The following CSMD2 variants were observed in gnomAD, a reference collection of about 807,000 sequenced individuals.
The protein encoded by CSMD2 is CUB and sushi domain-containing protein 2.
Under a neutral mutation model 398.5 loss-of-function variants are expected in CSMD2, and 130 were observed. That is an observed-to-expected ratio of 0.33 (90% CI 0.28 to 0.38). The LOEUF (loss-of-function observed/expected upper bound fraction) is 0.38, where lower values mean the gene tolerates loss of function less well. Ranked by LOEUF, CSMD2 falls within the 10% of genes least tolerant of loss-of-function variation. CSMD2 has a pLI of 1.00. For missense variants in CSMD2, 3,829 were observed against 4,764.9 expected, an observed-to-expected ratio of 0.80 and a Z score of 5.78; for synonymous variants, 1,828 against 1,908.5, an observed-to-expected ratio of 0.96 and a Z score of 1.10.
chr1:33,788,552 T>C (rs781584205), intron 12 of CSMD2, 48 bp downstream of exon 12: 8 of 1,001,224 alleles, frequency 8.0e-6, no homozygotes, highest in Non-Finnish European at 1.3e-5. Flanking sequence ...CCAGACCCCG[T>C]CTCTGACTCC....
chr1:33,707,695 G>GCGCGCACACACACACA (rs1172787777), intron 22 of CSMD2, among the ~76,000 whole-genome samples: 1 of 92,032 alleles, frequency 1.1e-5, no homozygotes, highest in Non-Finnish European at 2.1e-5. Context: ...GCGCGCGCGC[G>GCGCGCACACACACACA]CACACACACA....
intron 1 of CSMD2, among the ~76,000 whole-genome samples, chr1:34,100,906 G>A (rs906513458): frequency 1.3e-5 from 2 of 152,144 alleles, no homozygotes; most frequent in African/African-American, 4.8e-5. Flanking sequence ...AGGTGGGGTC[G>A]GGTAAGGTAC....
chr1:33,880,270 TTCTC>T (rs201877469), intron 5 of CSMD2, among the ~76,000 whole-genome samples: 3 of 151,596 alleles, frequency 2.0e-5, no homozygotes, highest in African/African-American at 4.8e-5. Context: ...AACTTACTGC[TTCTC>T]TCTCTCTCTC....
chr1:33,548,295 G>A (rs1657102685), intron 56 of CSMD2, among the ~76,000 whole-genome samples: 1 of 152,216 alleles, frequency 6.6e-6, no homozygotes, highest in Admixed American at 6.5e-5. Flanking sequence ...CAGTATTGGA[G>A]GCTTCTAGTT....
chr1:33,523,330 C>A lies in CSMD2; in HGVS notation c.10486G>T (p.Asp3496Tyr). 1 of 1,576,522 alleles carries A rather than the reference C, an allele frequency of 6.3e-7. No homozygotes were observed. Among genetic ancestry groups the A allele is most frequent in the Non-Finnish European group, 8.7e-7 (1 of 1,146,878 alleles). ...ACATGGCCATCTAAAGCCCAGTGAT[C>A]ATCTTTGAACTTATTCATAAAGATC... is the stretch of plus-strand genomic sequence containing the variant. ...VEIFMNKFKD[D>Y]HWALDGHVSS... Residue 3496 changes from aspartate to tyrosine, a missense_variant, in exon 67 of 71, where the codon GAT becomes TAT. This residue lies in a region of CSMD2 where 917 missense variants were observed against 1,199.5 expected (regional missense o/e 0.76). Coordinates refer to ENST00000373381, the MANE Select transcript of CSMD2 (RefSeq NM_001281956.2).
intron 2 of CSMD2, among the ~76,000 whole-genome samples, chr1:34,078,155 T>G (rs544334014): frequency 1.3e-5 from 2 of 151,330 alleles, no homozygotes; most frequent in South Asian, 4.2e-4. Flanking sequence ...TTTTAGACAA[T>G]AAACATGGAA....
intron 5 of CSMD2, among the ~76,000 whole-genome samples, chr1:33,892,092 TCA>T (rs201890466): frequency 0.34 from 50,466 of 148,552 alleles, 9,912 homozygotes; most frequent in East Asian, 0.58. Flanking sequence ...AAAGACACCA[TCA>T]AAAAAAAAAT....
intron 4 of CSMD2, among the ~76,000 whole-genome samples, chr1:33,931,688 A>G (rs1303252474): frequency 1.3e-5 from 2 of 152,190 alleles, no homozygotes; most frequent in African/African-American, 4.8e-5. Context: ...AGTGGAAGCT[A>G]CTTAAAATAA....
intron 1 of CSMD2, among the ~76,000 whole-genome samples, chr1:34,144,976 C>T (rs1268461946): frequency 6.6e-6 from 1 of 152,230 alleles, no homozygotes; most frequent in African/African-American, 2.4e-5. Flanking sequence ...GCCCTTTGTC[C>T]ACTCTGATCG....
intron 2 of CSMD2, among the ~76,000 whole-genome samples, chr1:34,041,892 G>A (rs751410379): frequency 6.6e-5 from 10 of 152,210 alleles, no homozygotes; most frequent in African/African-American, 1.7e-4. Flanking sequence ...CCAAAGGTAT[G>A]AGCGTGCCAC....
At chr1:33,990,518 C>A (rs80228635) in intron 3 of CSMD2, among the ~76,000 whole-genome samples, 1 of 152,092 alleles carries the variant, frequency 6.6e-6, no homozygotes, top group Non-Finnish European at 1.5e-5. Flanking sequence ...GTGGAAAGCC[C>A]GGTTCTGATA....
At chr1:34,074,747 C>CGT (rs397863745) in intron 2 of CSMD2, among the ~76,000 whole-genome samples, 1 of 150,286 alleles carries the variant, frequency 6.7e-6, no homozygotes, top group South Asian at 2.1e-4. Flanking sequence ...CACACACACG[C>CGT]GTGTGTAAAA....
chr1:34,141,307 A>G (rs1639271135), intron 1 of CSMD2, among the ~76,000 whole-genome samples: 1 of 152,154 alleles, frequency 6.6e-6, no homozygotes, highest in South Asian at 2.1e-4. Flanking sequence ...TGGGCATACC[A>G]CAGAGAACAA....
chr1:33,774,068 T>A (rs1324541838), intron 12 of CSMD2, among the ~76,000 whole-genome samples: 5 of 151,856 alleles, frequency 3.3e-5, no homozygotes, highest in African/African-American at 9.7e-5. Flanking sequence ...GCCAGCTTTG[T>A]GCTGAGAGCA....
intron 3 of CSMD2, among the ~76,000 whole-genome samples, chr1:33,947,981 C>T (rs1644890519): frequency 6.6e-6 from 1 of 152,214 alleles, no homozygotes. Context: ...GTCAGCCTGA[C>T]TTTGGCACCT....
intron 5 of CSMD2, among the ~76,000 whole-genome samples, chr1:33,894,540 T>C (rs1642252125): frequency 6.6e-6 from 1 of 152,184 alleles, no homozygotes; most frequent in Admixed American, 6.5e-5. Context: ...ATCTGGGTTC[T>C]GCAGACCTGG....
intron 1 of CSMD2, among the ~76,000 whole-genome samples, chr1:34,092,342 G>GT (rs1290430916): frequency 6.6e-6 from 1 of 152,128 alleles, no homozygotes; most frequent in Non-Finnish European, 1.5e-5. Flanking sequence ...CCAATGACCC[G>GT]TTTTAAGTTT....
At chr1:33,819,667 T>C (rs1446321618) in intron 9 of CSMD2, 46 bp downstream of exon 9, 2 of 1,588,838 alleles carry the variant, frequency 1.3e-6, no homozygotes, top group Non-Finnish European at 8.6e-7. Flanking sequence ...GCCTCCAGGC[T>C]CAGCCCAACT....
rs1652854425 is a variant in CSMD2, at chr1:33,782,139, T to G, written c.1663+6461A>C. On this transcript the variant is annotated intron_variant, in intron 12 of 70. Transcript: ENST00000373381. ...GATGGATATGGGAGGTCTCTGCCCT[T>G]GGATGCCTTATGCCATCCTACGAGA... Among the ~76,000 whole-genome samples, 3 of 152,148 alleles carry G rather than the reference T, an allele frequency of 2.0e-5. No homozygotes were observed. In the South Asian group the frequency reaches 6.2e-4, roughly 32 times the overall value.
Sources: gnomAD v4.1 joint callset for allele counts (sites outside exome capture counted in the v4.1 genomes callset) on GRCh38, gnomAD v4.1.1 for gene constraint, gnomAD v4.1.1 regional missense constraint, MANE v1.5 for transcripts, NCBI Gene and HGNC (gene_info 2026-07-23, HGNC 2026-07-21) for gene names.